Variants in SPRED1 observed in about 807,000 individuals in gnomAD.
The protein encoded by SPRED1 is sprouty related EVH1 domain containing 1.
In SPRED1, 18 loss-of-function variants were observed where a neutral mutation model predicts 52.3. That is an observed-to-expected ratio of 0.34 (90% CI 0.24 to 0.51). The LOEUF is 0.51. SPRED1 is among the 20% of genes least tolerant of loss of function. The probability of loss-of-function intolerance (pLI) is 0.97; values close to 1 mark genes in which losing one functional copy is unlikely to be tolerated. For missense variants in SPRED1, 485 were observed against 551.0 expected (o/e 0.88, Z 1.20); for synonymous variants, 155 against 179.7 (o/e 0.86, Z 1.10).
At chr15:38,321,200 C>A (rs1402097984) in intron 2 of SPRED1, among the ~76,000 whole-genome samples, 1 of 152,052 alleles carries the variant, frequency 6.6e-6, no homozygotes, top group Non-Finnish European at 1.5e-5. Flanking sequence ...AATGTTTATA[C>A]ATGGATATAT....
chr15:38,279,378 T>C (rs907374125), intron 1 of SPRED1, among the ~76,000 whole-genome samples: 7 of 152,236 alleles, frequency 4.6e-5, no homozygotes, highest in African/African-American at 1.7e-4. Flanking sequence ...AGCTCTGCAA[T>C]TTAGATTGTT....
intron 2 of SPRED1, among the ~76,000 whole-genome samples, chr15:38,306,822 T>C (rs1895259360): frequency 2.0e-5 from 3 of 152,216 alleles, no homozygotes; most frequent in African/African-American, 7.2e-5. Flanking sequence ...CTCTTTATTA[T>C]TACATTTCCT....
At chr15:38,313,037 C>CA (rs1306832596) in intron 2 of SPRED1, among the ~76,000 whole-genome samples, 2 of 151,874 alleles carry the variant, frequency 1.3e-5, no homozygotes, top group Non-Finnish European at 2.9e-5. Flanking sequence ...CCCACATACA[C>CA]AAAAAACACT....
chr15:38,274,201 T>C (rs1365054916), intron 1 of SPRED1, among the ~76,000 whole-genome samples: 1 of 152,084 alleles, frequency 6.6e-6, no homozygotes, highest in South Asian at 2.1e-4. Context: ...CCCTTTAGAG[T>C]AGAAGTTTAA....
intron 4 of SPRED1, among the ~76,000 whole-genome samples, chr15:38,337,908 A>G (rs923057423): frequency 2.0e-5 from 3 of 151,844 alleles, no homozygotes; most frequent in African/African-American, 7.3e-5. Flanking sequence ...ATTGAGGCAG[A>G]TATTCAATTT....
intron 5 of SPRED1, among the ~76,000 whole-genome samples, chr15:38,343,678 C>T (rs7183134): frequency 0.82 from 125,221 of 152,020 alleles, 52,386 homozygotes; most frequent in Non-Finnish European, 0.9. Context: ...GTTTGAATTA[C>T]TCAAGGTAGA....
At chr15:38,267,628 A>T (rs1894337864) in intron 1 of SPRED1, among the ~76,000 whole-genome samples, 1 of 152,216 alleles carries the variant, frequency 6.6e-6, no homozygotes, top group East Asian at 1.9e-4. Context: ...AGTAAGTAAC[A>T]GCATTGGCCT....
chr15:38,295,342 A>G (rs924228560), intron 1 of SPRED1, among the ~76,000 whole-genome samples: 2 of 152,200 alleles, frequency 1.3e-5, no homozygotes, highest in African/African-American at 2.4e-5. Context: ...GCCGCATTCA[A>G]AGCCATCCTG....
chr15:38,281,493 A>G (rs578191578), intron 1 of SPRED1, among the ~76,000 whole-genome samples: 1 of 151,920 alleles, frequency 6.6e-6, no homozygotes, highest in East Asian at 1.9e-4. Context: ...CCTGGGCTCA[A>G]GCGATTCTCC....
chr15:38,290,279 G>A (rs1306867180), intron 1 of SPRED1, among the ~76,000 whole-genome samples: 4 of 152,134 alleles, frequency 2.6e-5, no homozygotes, highest in African/African-American at 9.7e-5. Context: ...TAATTAAGGA[G>A]TCATGGGGAA....
chr15:38,281,467 A>T (rs1366154682), intron 1 of SPRED1, among the ~76,000 whole-genome samples: 1 of 151,718 alleles, frequency 6.6e-6, no homozygotes, highest in East Asian at 1.9e-4. Context: ...ATCATAGCTC[A>T]CTGCAACCTC....
chr15:38,336,603 T>C (rs1895928401), intron 4 of SPRED1, among the ~76,000 whole-genome samples: 1 of 151,478 alleles, frequency 6.6e-6, no homozygotes, highest in South Asian at 2.1e-4. Context: ...TACTCAACCA[T>C]AAAAAGGAAA....
At chr15:38,267,734 A>G (rs936902391) in intron 1 of SPRED1, among the ~76,000 whole-genome samples, 1 of 152,198 alleles carries the variant, frequency 6.6e-6, no homozygotes, top group Non-Finnish European at 1.5e-5. Flanking sequence ...ACTGAGGTGC[A>G]GGAAAGTTAA....
intron 2 of SPRED1, among the ~76,000 whole-genome samples, chr15:38,313,068 G>A (rs1895400921): frequency 6.6e-6 from 1 of 151,876 alleles, no homozygotes; most frequent in South Asian, 2.1e-4. Flanking sequence ...ACTATGTGAT[G>A]TAAGTTGCAT....
intron 1 of SPRED1, among the ~76,000 whole-genome samples, chr15:38,297,954 C>A (rs527391327): frequency 2.6e-5 from 4 of 152,042 alleles, no homozygotes; most frequent in Non-Finnish European, 5.9e-5. Context: ...TAACCACAAC[C>A]CAGTGCAACT....
intron 1 of SPRED1, among the ~76,000 whole-genome samples, chr15:38,257,052 T>C (rs1894112178): frequency 1.3e-5 from 2 of 152,178 alleles, no homozygotes; most frequent in East Asian, 1.9e-4. Flanking sequence ...TCCTGAATTA[T>C]ATATTTTAAA....
intron 1 of SPRED1, among the ~76,000 whole-genome samples, chr15:38,298,812 A>G (rs192580581): frequency 6.6e-6 from 1 of 152,354 alleles, no homozygotes; most frequent in African/African-American, 2.4e-5. Flanking sequence ...TAATCTAAGC[A>G]TAACACTTTT....
chr15:38,343,058 A>G (rs1220385674), intron 5 of SPRED1, among the ~76,000 whole-genome samples: 1 of 152,126 alleles, frequency 6.6e-6, no homozygotes, highest in East Asian at 1.9e-4. Flanking sequence ...AACCCAGAAA[A>G]GGATGTCTCA....
At chr15:38,321,409 G>C (rs1895598993) in intron 2 of SPRED1, among the ~76,000 whole-genome samples, 1 of 151,930 alleles carries the variant, frequency 6.6e-6, no homozygotes, top group African/African-American at 2.4e-5. Flanking sequence ...CTAAGCTCTG[G>C]GATATTTTAG....
Sources: gnomAD v4.1 joint callset for allele counts (sites outside exome capture counted in the v4.1 genomes callset) on GRCh38, gnomAD v4.1.1 for gene constraint, MANE v1.5 for transcripts, NCBI Gene and HGNC (gene_info 2026-07-23, HGNC 2026-07-21) for gene names.